Variants in CDKAL1 observed in about 807,000 individuals in gnomAD.
CDKAL1 encodes threonylcarbamoyladenosine tRNA methylthiotransferase.
In CDKAL1, 32 loss-of-function variants were observed where a neutral mutation model predicts 68.2. That is an observed-to-expected ratio of 0.47 (90% CI 0.35 to 0.63). CDKAL1 has a LOEUF of 0.63. Among genes scored for constraint, CDKAL1 ranks in the 30% least tolerant of loss-of-function variants. The pLI, the probability that CDKAL1 is intolerant of heterozygous loss-of-function variation, is 0.00. For synonymous variants in CDKAL1, 234 were observed against 244.3 expected (o/e 0.96, Z 0.39); for missense variants, 606 against 696.7 (o/e 0.87, Z 1.47).
At chr6:21,070,599 T>G (rs1305722828) in intron 12 of CDKAL1, among the ~76,000 whole-genome samples, 1 of 152,094 alleles carries the variant, frequency 6.6e-6, no homozygotes, top group Non-Finnish European at 1.5e-5. Flanking sequence ...TGTGTCCTCA[T>G]TTTTTTCAGA....
chr6:20,840,543 C>T (rs766696938), intron 8 of CDKAL1, among the ~76,000 whole-genome samples: 5 of 152,118 alleles, frequency 3.3e-5, no homozygotes, highest in African/African-American at 9.7e-5. Context: ...ACAGGAGAGA[C>T]GATTGAGTCA....
At chr6:20,997,030 G>T (rs1316009771) in intron 10 of CDKAL1, among the ~76,000 whole-genome samples, 1 of 152,118 alleles carries the variant, frequency 6.6e-6, no homozygotes, top group South Asian at 2.1e-4. Context: ...ACCTCTTTTC[G>T]TGTATGTTGA....
At chr6:20,768,246 C>T (rs1581540781) in intron 7 of CDKAL1, among the ~76,000 whole-genome samples, 1 of 152,126 alleles carries the variant, frequency 6.6e-6, no homozygotes, top group Non-Finnish European at 1.5e-5. Context: ...TTTAACAGCC[C>T]ATACAACCTC....
intron 4 of CDKAL1, among the ~76,000 whole-genome samples, chr6:20,590,939 T>G (rs1294381903): frequency 6.6e-6 from 1 of 152,184 alleles, no homozygotes; most frequent in Non-Finnish European, 1.5e-5. Context: ...CACACTGTCC[T>G]CCACAATGGT....
chr6:20,760,800 T>G (rs751953256), intron 7 of CDKAL1, among the ~76,000 whole-genome samples: 10 of 152,170 alleles, frequency 6.6e-5, no homozygotes, highest in Non-Finnish European at 1.3e-4. Flanking sequence ...TTTAAAAAAA[T>G]TAATGATGAT....
intron 8 of CDKAL1, among the ~76,000 whole-genome samples, chr6:20,820,762 GGGCC>G: frequency 6.6e-6 from 1 of 152,156 alleles, no homozygotes; most frequent in Admixed American, 6.6e-5. Flanking sequence ...TGTTTATTGA[GGGCC>G]TACTGTGTAC....
chr6:21,126,761 G>A (rs920353384), intron 13 of CDKAL1, among the ~76,000 whole-genome samples: 1 of 152,100 alleles, frequency 6.6e-6, no homozygotes. Flanking sequence ...TTTTATTTAG[G>A]ACTATGTTAT....
intron 13 of CDKAL1, among the ~76,000 whole-genome samples, chr6:21,144,032 TATTC>T (rs1331657939): frequency 6.6e-6 from 1 of 152,168 alleles, no homozygotes; most frequent in Admixed American, 6.5e-5. Context: ...AGGTATGTTA[TATTC>T]AGAAAAGACT....
intron 9 of CDKAL1, among the ~76,000 whole-genome samples, chr6:20,852,991 A>G (rs2150507547): frequency 6.6e-6 from 1 of 152,364 alleles, no homozygotes; most frequent in East Asian, 1.9e-4. Flanking sequence ...TTTGTGGGCC[A>G]TAAGGCCTCT....
intron 13 of CDKAL1, among the ~76,000 whole-genome samples, chr6:21,163,684 C>A (rs537282236): frequency 1.1e-4 from 16 of 152,292 alleles, no homozygotes; most frequent in African/African-American, 3.1e-4. Flanking sequence ...GGCGCGGTGG[C>A]TCATGCCTGT....
intron 9 of CDKAL1, among the ~76,000 whole-genome samples, chr6:20,875,495 TG>T (rs1178519702): frequency 6.6e-6 from 1 of 152,102 alleles, no homozygotes; most frequent in Non-Finnish European, 1.5e-5. Flanking sequence ...TGTTTCAGTA[TG>T]TACAGTTATA....
intron 6 of CDKAL1, among the ~76,000 whole-genome samples, chr6:20,756,944 C>A (rs1314947657): frequency 1.4e-5 from 2 of 144,892 alleles, no homozygotes; most frequent in Admixed American, 7.0e-5. Context: ...TTCCTTCCCT[C>A]CTTCCTTCCT....
chr6:21,143,971 G>A (rs1304117547), intron 13 of CDKAL1, among the ~76,000 whole-genome samples: 1 of 148,990 alleles, frequency 6.7e-6, no homozygotes, highest in Admixed American at 6.7e-5. Flanking sequence ...CTCATTTATG[G>A]CTAAGGGAAG....
At chr6:20,544,595 CAAAAAAA>C (rs747920604) in intron 2 of CDKAL1, among the ~76,000 whole-genome samples, 8 of 56,720 alleles carry the variant, frequency 1.4e-4, no homozygotes, top group African/African-American at 4.1e-4. Flanking sequence ...AACTCCGTCT[CAAAAAAA>C]AAAAAAAAAA....
intron 11 of CDKAL1, among the ~76,000 whole-genome samples, chr6:21,039,338 G>T (rs1224581214): frequency 6.6e-6 from 1 of 152,168 alleles, no homozygotes; most frequent in Non-Finnish European, 1.5e-5. Flanking sequence ...CCAGGAGACC[G>T]ATTCCTGGTG....
chr6:20,938,269 CT>C (rs1456044079), intron 9 of CDKAL1, among the ~76,000 whole-genome samples: 1 of 152,096 alleles, frequency 6.6e-6, no homozygotes, highest in Non-Finnish European at 1.5e-5. Context: ...TACTTTCTTA[CT>C]GTCTGGCACC....
intron 10 of CDKAL1, among the ~76,000 whole-genome samples, chr6:20,989,073 A>G (rs1283761460): frequency 1.3e-5 from 2 of 151,620 alleles, no homozygotes; most frequent in African/African-American, 4.8e-5. Context: ...GGGTTATACT[A>G]CTCCCACAGA....
At chr6:20,580,494 T>C (rs1428752758) in intron 4 of CDKAL1, among the ~76,000 whole-genome samples, 1 of 152,084 alleles carries the variant, frequency 6.6e-6, no homozygotes, top group African/African-American at 2.4e-5. Context: ...TTATGGCCAC[T>C]TCTCATCCTT....
At chr6:21,216,664 A>G (rs73734136) in intron 15 of CDKAL1, among the ~76,000 whole-genome samples, 2 of 152,288 alleles carry the variant, frequency 1.3e-5, no homozygotes, top group African/African-American at 2.4e-5. Flanking sequence ...AAGAAAAGAA[A>G]GAGATTCTTA....
Sources: gnomAD v4.1 joint callset for allele counts (sites outside exome capture counted in the v4.1 genomes callset) on GRCh38, gnomAD v4.1.1 for gene constraint, MANE v1.5 for transcripts, NCBI Gene and HGNC (gene_info 2026-07-23, HGNC 2026-07-21) for gene names.